Variants in EPHB1 observed in about 807,000 individuals in gnomAD.
EPHB1 encodes the protein ephrin type-B receptor 1.
Under a neutral mutation model 94.4 loss-of-function variants are expected in EPHB1, and 30 were observed. That is an observed-to-expected ratio of 0.32 (90% CI 0.24 to 0.43). The LOEUF is 0.43. Among genes scored for constraint, EPHB1 ranks in the 20% least tolerant of loss-of-function variants. The pLI, the probability that EPHB1 is intolerant of heterozygous loss-of-function variation, is 1.00. For missense variants in EPHB1, 1,055 were observed against 1,308.3 expected (o/e 0.81, Z 2.99); for synonymous variants, 522 against 489.1 (o/e 1.07, Z -0.89).
rs905913358 is a variant in EPHB1, at chr3:135,195,424, A to G, written c.2130+2601A>G. On this transcript the variant is annotated intron_variant, in intron 11 of 15. Transcript: ENST00000398015. ...ATGTATACATGTGCCATGCTGGTGC[A>G]CTGCACCCACTAACTCGTCATCTAG... Among the ~76,000 whole-genome samples, 1,309 of 150,868 alleles carry G rather than the reference A, an allele frequency of 8.7e-3. 18 individuals are homozygous for G. The highest frequency in any genetic ancestry group is 0.031 in the African/African-American group (1,258 of 40,314).
At chr3:134,883,398 A>C (rs1466220729) in intron 1 of EPHB1, among the ~76,000 whole-genome samples, 1 of 152,150 alleles carries the variant, frequency 6.6e-6, no homozygotes, top group Non-Finnish European at 1.5e-5. Flanking sequence ...CCAAAAATTA[A>C]ATGTCCTGCC....
intron 9 of EPHB1, among the ~76,000 whole-genome samples, chr3:135,176,611 C>T (rs891901942): frequency 6.6e-6 from 1 of 152,214 alleles, no homozygotes; most frequent in Non-Finnish European, 1.5e-5. Flanking sequence ...CCCATCTTCA[C>T]AGTGCAGACT....
chr3:134,841,636 A>T (rs961509241), intron 1 of EPHB1: 2 of 152,186 alleles, frequency 1.3e-5, no homozygotes, highest in African/African-American at 4.8e-5. Flanking sequence ...AGCTGACTGA[A>T]ACTATGAGAA....
Position 135,201,661 on chromosome 3 carries a change from C to A in EPHB1, c.2318C>A (p.Thr773Asn), listed in dbSNP as rs992344913. 1.2e-6 allele frequency: 2 copies of A among 1,613,964 alleles called. No homozygotes were observed. Among genetic ancestry groups the A allele is most frequent in the Non-Finnish European group, 1.7e-6 (2 of 1,179,984 alleles). The change falls in exon 12 of 16, where the codon ACC (threonine) becomes AAC (asparagine). Residue 773 changes from threonine (T) to asparagine (N), a missense_variant. Transcript: ENST00000398015. Reference sequence around the variant, plus strand: ...CTCTCCCGCTACCTCCAGGATGACACCTCAGATCCCACCTACACCAGCTCC... The same window carrying A: ...CTCTCCCGCTACCTCCAGGATGACAACTCAGATCCCACCTACACCAGCTCC... Reference protein sequence around the residue: ...FGLSRYLQDDTSDPTYTSSLG... With the variant: ...FGLSRYLQDDNSDPTYTSSLG...
At chr3:135,177,422 C>A in intron 9 of EPHB1, among the ~76,000 whole-genome samples, 1 of 152,162 alleles carries the variant, frequency 6.6e-6, no homozygotes, top group East Asian at 1.9e-4. Context: ...GACTGCTTTC[C>A]CTGGCCCTGG....
chr3:135,161,963 T>TG, intron 6 of EPHB1, 55 bp from the exon 7 acceptor site: 1 of 1,552,234 alleles, frequency 6.4e-7, no homozygotes, highest in South Asian at 1.2e-5. Context: ...TGGAGTGGGC[T>TG]GGGGGTGTAG....
chr3:134,860,202 G>A lies in EPHB1; in HGVS notation c.58+64513G>A, dbSNP rs1434118678. 5.1e-5 allele frequency among the ~76,000 whole-genome samples: 3 copies of A among 59,130 alleles called. No individual in the cohort carries two copies. The East Asian group carries it at 3.4e-3, about 67-fold the overall frequency. 38.8% of individuals were successfully genotyped at this position (59,130 alleles called of 152,430 possible). On this transcript the variant is annotated intron_variant, in intron 1 of 15. Coordinates refer to ENST00000398015, the MANE Select transcript of EPHB1 (RefSeq NM_004441.5). ...ACACACACACACACACACACTCTGG[G>A]AAAGGGGCACAGGGATCAGCTGACC... is the stretch of plus-strand genomic sequence containing the variant.
chr3:135,215,926 C>A lies in EPHB1; in HGVS notation c.2346+14237C>A, dbSNP rs188322531. On this transcript the variant is annotated intron_variant, in intron 12 of 15. Coordinates refer to ENST00000398015, the MANE Select transcript of EPHB1 (RefSeq NM_004441.5). ...GCATGAATTTTATTTCACAAACTTG[C>A]ATTGTAAGAAATGTCAATTACCGTA... 2.7e-4 allele frequency among the ~76,000 whole-genome samples: 41 copies of A among 152,316 alleles called. 1 individual carries two copies. The East Asian group carries it at 6.9e-3, about 26-fold the overall frequency.
At chr3:134,978,630 C>G (rs553671980) in intron 3 of EPHB1, among the ~76,000 whole-genome samples, 1 of 152,212 alleles carries the variant, frequency 6.6e-6, no homozygotes, top group Non-Finnish European at 1.5e-5. Context: ...ACAGTTCAGC[C>G]TTACTAAGCC....
intron 9 of EPHB1, among the ~76,000 whole-genome samples, chr3:135,171,401 C>T (rs1180535884): frequency 1.3e-5 from 2 of 152,166 alleles, no homozygotes; most frequent in Non-Finnish European, 2.9e-5. Context: ...TTGTCCTATT[C>T]AATCTCTTGT....
intron 1 of EPHB1, among the ~76,000 whole-genome samples, chr3:134,880,213 T>G (rs748389525): frequency 1.3e-5 from 2 of 152,214 alleles, no homozygotes; most frequent in African/African-American, 4.8e-5. Context: ...CTCCAGCTGT[T>G]GAACAGCTGA....
intron 2 of EPHB1, among the ~76,000 whole-genome samples, chr3:134,948,239 G>T (rs2039251690): frequency 6.6e-6 from 1 of 151,676 alleles, no homozygotes; most frequent in Non-Finnish European, 1.5e-5. Context: ...TGCTTCACCT[G>T]TACATTGACA....
intron 1 of EPHB1, among the ~76,000 whole-genome samples, chr3:134,923,304 A>C (rs1303955972): frequency 1.3e-5 from 2 of 152,194 alleles, no homozygotes; most frequent in Admixed American, 1.3e-4. Context: ...CAGAAGTGCT[A>C]TCTGGGTTAC....
intron 5 of EPHB1, 120 bp downstream of exon 5, chr3:135,133,169 G>A: frequency 9.8e-7 from 1 of 1,023,262 alleles, no homozygotes; most frequent in Non-Finnish European, 1.4e-6. Flanking sequence ...CTGCCCAGGA[G>A]TGAAGGTGTC....
chr3:135,144,075 A>G (rs900368865), intron 5 of EPHB1, among the ~76,000 whole-genome samples: 5 of 152,118 alleles, frequency 3.3e-5, no homozygotes, highest in African/African-American at 1.2e-4. Context: ...ATGTAACTCA[A>G]TGTCCCCACC....
At chr3:135,239,174 GTCT>G (rs1412992266) in intron 12 of EPHB1, among the ~76,000 whole-genome samples, 3 of 152,216 alleles carry the variant, frequency 2.0e-5, no homozygotes, top group Non-Finnish European at 4.4e-5. Context: ...AATTAGGACT[GTCT>G]TCTTTGCAGA....
intron 3 of EPHB1, among the ~76,000 whole-genome samples, chr3:134,959,012 A>T (rs911286182): frequency 3.9e-5 from 6 of 152,212 alleles, no homozygotes; most frequent in Non-Finnish European, 7.3e-5. Context: ...GCTACTGATC[A>T]TGATTTGGCA....
At chr3:135,023,845 C>A (rs1025040268) in intron 3 of EPHB1, among the ~76,000 whole-genome samples, 18 of 152,148 alleles carry the variant, frequency 1.2e-4, no homozygotes, top group Non-Finnish European at 1.9e-4. Flanking sequence ...TTATACCATT[C>A]TTCTTTTTAT....
In EPHB1 at chr3:134,993,938, C is replaced by T. The variant is rs370482587; in HGVS notation, c.805+41886C>T. Among the ~76,000 whole-genome samples, 153 of 152,332 alleles carry T rather than the reference C, an allele frequency of 1.0e-3. 3 individuals are homozygous for T. The South Asian group carries it at 0.03, about 30-fold the overall frequency. ...TCATACAAGCTGTTGATTTCTTTAG[C>T]CTTGAAGGCCATTCTTCCCCACTTT... On this transcript the variant is annotated intron_variant, in intron 3 of 15. Coordinates refer to ENST00000398015, the MANE Select transcript of EPHB1 (RefSeq NM_004441.5).
Sources: allele counts gnomAD v4.1 joint callset (sites outside exome capture counted in the v4.1 genomes callset), GRCh38; gene constraint gnomAD v4.1.1; transcripts MANE v1.5; gene names NCBI Gene and HGNC (gene_info 2026-07-23, HGNC 2026-07-21).